The following CEP112 variants were observed in gnomAD, a reference collection of about 807,000 sequenced individuals.
CEP112 encodes centrosomal protein of 112 kDa.
CEP112 carries 127 observed loss-of-function variants against 153.0 expected under a neutral mutation model. The ratio of observed to expected loss-of-function variants is 0.83; its 90% CI spans 0.72 to 0.96. CEP112 has a LOEUF of 0.96. Ranked by LOEUF, CEP112 falls within the 40% of genes least tolerant of loss-of-function variation. The pLI is 0.00. For missense variants in CEP112, 1,089 were observed against 1,101.2 expected (o/e 0.99, Z 0.16); for synonymous variants, 358 against 374.4 (o/e 0.96, Z 0.51).
intron 20 of CEP112, among the ~76,000 whole-genome samples, chr17:65,894,910 A>G (rs2059607147): frequency 6.6e-6 from 1 of 152,112 alleles, no homozygotes; most frequent in Non-Finnish European, 1.5e-5. Context: ...AAAGAAAGAC[A>G]TAGTCATGGC....
intron 4 of CEP112, among the ~76,000 whole-genome samples, chr17:66,173,489 C>G (rs972448101): frequency 6.6e-6 from 1 of 152,200 alleles, no homozygotes; most frequent in Admixed American, 6.5e-5. Flanking sequence ...TTAAACTATG[C>G]TCTAAGCTCT....
chr17:66,186,983 G>GT (rs1478838871), intron 1 of CEP112, among the ~76,000 whole-genome samples: 1 of 152,022 alleles, frequency 6.6e-6, no homozygotes, highest in African/African-American at 2.4e-5. Flanking sequence ...ATCAGACGCA[G>GT]TAACTCTCCC....
intron 24 of CEP112, chr17:65,688,875 C>G (rs937628676): frequency 7.1e-5 from 22 of 310,750 alleles, no homozygotes; most frequent in Admixed American, 6.2e-4. Flanking sequence ...TCAAGTAATT[C>G]CCCTGCCTCA....
chr17:65,639,683 T>TC (rs1555597495), intron 25 of CEP112, among the ~76,000 whole-genome samples: 4 of 63,636 alleles, frequency 6.3e-5, no homozygotes, highest in Non-Finnish European at 1.2e-4. Flanking sequence ...AAACTCTGTC[T>TC]CAAAAAAAAA....
At position 65,892,695 on chromosome 17, in the gene CEP112, GGCAGTAATTGGTGGATAA is replaced by G. The variant is rs1322117291; in HGVS notation, c.2163+9439_2163+9456del. Among the ~76,000 whole-genome samples, 4 of 152,190 alleles carry G rather than the reference GGCAGTAATTGGTGGATAA, an allele frequency of 2.6e-5. No homozygotes were observed. The East Asian group carries it at 7.7e-4, about 29-fold the overall frequency. On this transcript the variant is annotated intron_variant, in intron 20 of 26. Coordinates refer to ENST00000535342, the MANE Select transcript of CEP112 (RefSeq NM_001199165.4). ...ATGGCATTTGTCTAACGACAGCTTT[GGCAGTAATTGGTGGATAA>G]GCAGTAATTGGTGGATAATTGAAGA...
At chr17:66,050,824 A>G (rs2066407874) in intron 12 of CEP112, among the ~76,000 whole-genome samples, 1 of 152,054 alleles carries the variant, frequency 6.6e-6, no homozygotes, top group Non-Finnish European at 1.5e-5. Context: ...TGAGCCTGCT[A>G]GATCAATTTC....
intron 6 of CEP112, among the ~76,000 whole-genome samples, chr17:66,124,286 T>C (rs556482038): frequency 2.6e-5 from 4 of 152,306 alleles, no homozygotes; most frequent in Middle Eastern, 3.4e-3. Context: ...TCTCTGGCTC[T>C]GAGAGCTTCT....
intron 8 of CEP112, among the ~76,000 whole-genome samples, chr17:66,078,552 G>A (rs2067595600): frequency 1.3e-5 from 2 of 152,064 alleles, no homozygotes; most frequent in Admixed American, 6.6e-5. Context: ...CACTGTGCTC[G>A]GGAAGTTTTA....
At chr17:65,703,583 T>C (rs2048753420) in intron 23 of CEP112, among the ~76,000 whole-genome samples, 1 of 148,134 alleles carries the variant, frequency 6.8e-6, no homozygotes, top group Non-Finnish European at 1.5e-5. Flanking sequence ...AGCTGCGAAG[T>C]CTTGCAGACA....
At chr17:65,779,689 C>T (rs1275018093) in intron 21 of CEP112, among the ~76,000 whole-genome samples, 3 of 152,076 alleles carry the variant, frequency 2.0e-5, no homozygotes, top group Non-Finnish European at 4.4e-5. Flanking sequence ...GGTTGCTTTA[C>T]CCAGAAACAG....
intron 20 of CEP112, among the ~76,000 whole-genome samples, chr17:65,875,153 T>A (rs1322024611): frequency 6.6e-6 from 1 of 152,036 alleles, no homozygotes; most frequent in Non-Finnish European, 1.5e-5. Flanking sequence ...TATCTCCAAA[T>A]TTCTCTGAAA....
chr17:65,881,930 A>G (rs1037685114), intron 20 of CEP112, among the ~76,000 whole-genome samples: 1 of 152,220 alleles, frequency 6.6e-6, no homozygotes, highest in African/African-American at 2.4e-5. Flanking sequence ...TCAGTAGCAC[A>G]ATTCACTCCT....
intron 20 of CEP112, among the ~76,000 whole-genome samples, chr17:65,888,249 G>T (rs536966208): frequency 1.2e-4 from 19 of 152,212 alleles, no homozygotes; most frequent in Middle Eastern, 6.8e-3. Context: ...TCTTCCCTTT[G>T]CTATGAAGAC....
intron 17 of CEP112, among the ~76,000 whole-genome samples, chr17:65,969,985 C>G (rs1414315890): frequency 6.6e-6 from 1 of 152,148 alleles, no homozygotes. Flanking sequence ...GCATATCACA[C>G]GCATGTTACA....
chr17:65,996,199 G>C (rs748691582), intron 17 of CEP112, among the ~76,000 whole-genome samples: 8 of 149,730 alleles, frequency 5.3e-5, no homozygotes, highest in Non-Finnish European at 1.0e-4. Flanking sequence ...GTGTTTCAAA[G>C]TTTTTAAAAT....
intron 8 of CEP112, among the ~76,000 whole-genome samples, chr17:66,085,140 C>T (rs2067870500): frequency 6.6e-6 from 1 of 152,060 alleles, no homozygotes; most frequent in Non-Finnish European, 1.5e-5. Flanking sequence ...TTCTCTATAC[C>T]ATTAATGTTA....
intron 21 of CEP112, among the ~76,000 whole-genome samples, chr17:65,796,806 G>T (rs1183319587): frequency 6.7e-6 from 1 of 149,992 alleles, no homozygotes; most frequent in Non-Finnish European, 1.5e-5. Context: ...GCTGAGGTGG[G>T]TGGACTGATT....
chr17:65,876,728 T>A (rs1357052455), intron 20 of CEP112, among the ~76,000 whole-genome samples: 2 of 152,102 alleles, frequency 1.3e-5, no homozygotes, highest in Admixed American at 6.5e-5. Flanking sequence ...AATATATTTT[T>A]ACACTCTATT....
chr17:65,773,680 T>C (rs566031790), intron 21 of CEP112, among the ~76,000 whole-genome samples: 1 of 152,312 alleles, frequency 6.6e-6, no homozygotes, highest in Non-Finnish European at 1.5e-5. Flanking sequence ...TTCGGTGCAA[T>C]GTTTTTGCAC....
Sources: allele counts gnomAD v4.1 joint callset (sites outside exome capture counted in the v4.1 genomes callset), GRCh38; gene constraint gnomAD v4.1.1; transcripts MANE v1.5; gene names NCBI Gene and HGNC (gene_info 2026-07-23, HGNC 2026-07-21).